Variants in CHERP observed in about 807,000 individuals in gnomAD.
CHERP encodes the protein calcium homeostasis endoplasmic reticulum protein.
Under a neutral mutation model 113.8 loss-of-function variants are expected in CHERP, and 8 were observed. The observed-to-expected ratio is 0.07, with a 90% confidence interval of 0.04 to 0.13. The LOEUF (loss-of-function observed/expected upper bound fraction) is 0.13. Among genes scored for constraint, CHERP ranks in the 10% least tolerant of loss-of-function variants. CHERP has a pLI of 1.00. For missense variants in CHERP, 884 were observed against 1,298.2 expected (o/e 0.68, Z 4.90); for synonymous variants, 559 against 524.5 (o/e 1.07, Z -0.90).
chr19:16,534,883 C>G (rs1198819639), intron 3 of CHERP, among the ~76,000 whole-genome samples: 1 of 152,120 alleles, frequency 6.6e-6, no homozygotes, highest in Non-Finnish European at 1.5e-5. Context: ...TGAGACCAGC[C>G]TGGCCAACCT....
Position 16,529,637 on chromosome 19 carries a change from G to A in CHERP, c.1129+11C>T, listed in dbSNP as rs563259479. ...TTCCTGGGGGCAGGCTGAGCTGAGG[G>A]AGCCCCGTACCAGGCTGGGTGGTGG... On this transcript the variant is annotated intron_variant, in intron 8 of 16. Transcript: ENST00000546361. 3 of 1,536,570 alleles carry A rather than the reference G, an allele frequency of 2.0e-6. No individual in the cohort carries two copies. In the East Asian group the frequency reaches 7.3e-5, roughly 38 times the overall value.
At chr19:16,527,293 G>A (rs866483846) in intron 9 of CHERP, among the ~76,000 whole-genome samples, 6 of 152,244 alleles carry the variant, frequency 3.9e-5, no homozygotes, top group Non-Finnish European at 8.8e-5. Context: ...GCCAGCACTT[G>A]GAGGTGGGAG....
At chr19:16,528,306 G>A (rs749564404) in intron 8 of CHERP, 51 bp from the exon 9 acceptor site, 1 of 1,513,712 alleles carries the variant, frequency 6.6e-7, no homozygotes, top group Admixed American at 2.1e-5. Flanking sequence ...AGGAGGCGCT[G>A]TCTCCTCTCC....
chr19:16,526,885 C>CT (rs1471002767), intron 9 of CHERP, among the ~76,000 whole-genome samples: 2 of 152,198 alleles, frequency 1.3e-5, no homozygotes, highest in Non-Finnish European at 2.9e-5. Flanking sequence ...CCTCAGACCA[C>CT]TGTGTAGCTG....
intron 9 of CHERP, among the ~76,000 whole-genome samples, chr19:16,527,523 C>G (rs960709954): frequency 6.6e-6 from 1 of 152,198 alleles, no homozygotes; most frequent in African/African-American, 2.4e-5. Flanking sequence ...CTGGAAGACC[C>G]GGGGCTGTGC....
chr19:16,529,610 G>A, intron 8 of CHERP, 38 bp downstream of exon 8: 1 of 1,528,388 alleles, frequency 6.5e-7, no homozygotes, highest in Non-Finnish European at 8.8e-7. Context: ...TCTGGGGGCT[G>A]TTTCCTGGGG....
At chr19:16,542,162 G>C (rs1258814387) in intron 1 of CHERP, 119 bp from the exon 2 acceptor site, 11 of 1,246,676 alleles carry the variant, frequency 8.8e-6, no homozygotes, top group Non-Finnish European at 1.2e-5. Flanking sequence ...GCCCCGAAGA[G>C]GCCGCCCTTG....
intron 2 of CHERP, among the ~76,000 whole-genome samples, chr19:16,538,804 A>G (rs951842654): frequency 7.6e-5 from 11 of 145,622 alleles, no homozygotes; most frequent in Non-Finnish European, 1.7e-4. Context: ...AGAAAGGGAA[A>G]GCAGCCCTTA....
chr19:16,528,848 G>C (rs978802907), intron 8 of CHERP, among the ~76,000 whole-genome samples: 6 of 152,162 alleles, frequency 3.9e-5, no homozygotes, highest in African/African-American at 1.4e-4. Context: ...AGCTACTCAG[G>C]AGGCTGAGGT....
intron 9 of CHERP, among the ~76,000 whole-genome samples, chr19:16,526,593 G>A (rs1458204271): frequency 1.3e-5 from 2 of 151,950 alleles, no homozygotes; most frequent in Admixed American, 6.6e-5. Context: ...TCAGCTTCTC[G>A]AGTAGCTGGG....
rs750736356 is a variant in CHERP, at chr19:16,532,481, G to A, written c.674+117C>T. The A allele has an allele frequency of 1.6e-4, 201 of 1,289,804 alleles. No individual in the cohort carries two copies. The highest frequency in any genetic ancestry group is 1.9e-4 in the Non-Finnish European group (188 of 967,082). 79.9% of individuals were successfully genotyped at this position (1,289,804 alleles called of 1,614,324 possible). A position where few individuals can be genotyped will look rare whatever the true frequency, so the allele number is the denominator to read the frequency against. On this transcript the variant is annotated intron_variant, in intron 5 of 16. Transcript: ENST00000546361. This position sits in a 1 kb window ranked among gnomAD's most constrained non-coding sequence, Gnocchi z 4.4. ...CCCCACCCGGGGTCCCCGGACAAGT[G>A]CCCCCTAGTCTCGGGACAGGCCAAG...
rs1334395150 is a variant in CHERP at position 16,532,482 on chromosome 19, C to T, written c.674+116G>A. ...CCCACCCGGGGTCCCCGGACAAGTG[C>T]CCCCTAGTCTCGGGACAGGCCAAGC... is the stretch of plus-strand genomic sequence containing the variant. On this transcript the variant is annotated intron_variant, in intron 5 of 16. Coordinates refer to ENST00000546361, the MANE Select transcript of CHERP (RefSeq NM_006387.6). The surrounding 1 kb of genome is among the most constrained non-coding windows in gnomAD (Gnocchi z 4.4). The T allele has an allele frequency of 1.6e-6, 2 of 1,286,456 alleles. No individual in the cohort carries two copies. The highest frequency in any genetic ancestry group is 2.8e-4 in the Middle Eastern group (1 of 3,616). 79.7% of individuals were successfully genotyped at this position (1,286,456 alleles called of 1,614,324 possible).
Position 16,520,191 on chromosome 19 carries a change from G to GGGGAGTACGACTTGGACC in CHERP, c.2402_2419dup (p.Arg801_Ser806dup), listed in dbSNP as rs774774210. 20 of 1,613,288 alleles carry GGGGAGTACGACTTGGACC rather than the reference G, an allele frequency of 1.2e-5. No individual in the cohort carries two copies. Among genetic ancestry groups the GGGGAGTACGACTTGGACC allele is most frequent in the Non-Finnish European group, 1.7e-5 (20 of 1,180,028 alleles). ...GGACCGTGACCGGCGTCTTCTTCCT[G>GGGGAGTACGACTTGGACC]GGGAGTACGACTTGGACCGGGACCG... is the stretch of plus-strand genomic sequence containing the variant. On this transcript the variant is annotated inframe_insertion, in exon 15 of 17. Coordinates refer to ENST00000546361, the MANE Select transcript of CHERP (RefSeq NM_006387.6). This position sits in a 1 kb window ranked among gnomAD's most constrained non-coding sequence, Gnocchi z 4.0.
chr19:16,522,304 G>A (rs2085623769), intron 11 of CHERP, among the ~76,000 whole-genome samples: 1 of 151,842 alleles, frequency 6.6e-6, no homozygotes, highest in African/African-American at 2.4e-5. Flanking sequence ...TCTCGCCCAG[G>A]CTGGAGTGTA....
chr19:16,529,916 G>A lies in CHERP; in HGVS notation c.877-16C>T. The stretch of plus-strand genomic sequence containing the variant: ...TGAGGGTGGCCTGAGAGAGAGAAGA[G>A]CACCCGCTGCTCAGTATGCGGCCTT... On this transcript the variant is annotated splice_polypyrimidine_tract_variant and intron_variant, in intron 7 of 16. Transcript: ENST00000546361. 1 of 1,609,728 alleles carries A rather than the reference G, an allele frequency of 6.2e-7. No homozygotes were observed.
At chr19:16,521,144 G>A in intron 12 of CHERP, 1 of 597,858 alleles carries the variant, frequency 1.7e-6, no homozygotes, top group East Asian at 2.8e-5. Context: ...TTCCGCTGAG[G>A]TGGTGGGGAC....
At position 16,538,384 on chromosome 19, in the gene CHERP, C is replaced by T. The variant is rs796790830; in HGVS notation, c.200-2748G>A. Among the ~76,000 whole-genome samples, 11 of 152,296 alleles carry T rather than the reference C, an allele frequency of 7.2e-5. 1 individual carries two copies. Among genetic ancestry groups the T allele is most frequent in the African/African-American group, 2.6e-4 (11 of 41,562 alleles). ...TTTACATCTAGCCAAGATATCATCA[C>T]CCACAGAAAGCACTTCTTGGCTGGG... is the stretch of plus-strand genomic sequence containing the variant. On this transcript the variant is annotated intron_variant, in intron 2 of 16. Transcript: ENST00000546361.
Position 16,518,973 on chromosome 19 carries a change from C to T in CHERP, c.*186G>A. 1 of 618,910 alleles carries T rather than the reference C, an allele frequency of 1.6e-6. No homozygotes were observed. The highest frequency in any genetic ancestry group is 2.8e-6 in the Non-Finnish European group (1 of 362,812). 38.3% of individuals were successfully genotyped at this position (618,910 alleles called of 1,614,324 possible). A position where few individuals can be genotyped will look rare whatever the true frequency, so the allele number is the denominator to read the frequency against. On this transcript the variant is annotated 3_prime_UTR_variant, in exon 17 of 17. Coordinates refer to ENST00000546361, the MANE Select transcript of CHERP (RefSeq NM_006387.6). ...GTGTGGTTTGTGGGTGGCACCCGTG[C>T]CCTCCACGCCATGGAGCACGGCGTT...
Position 16,539,146 on chromosome 19 carries a change from G to GTT in CHERP, c.199+2722_199+2723dup, listed in dbSNP as rs889826521. Among the ~76,000 whole-genome samples the GTT allele has an allele frequency of 1.9e-3, 245 of 130,830 alleles. 6 individuals carry two copies. The highest frequency in any genetic ancestry group is 4.4e-3 in the African/African-American group (152 of 34,588). 85.8% of individuals were successfully genotyped at this position (130,830 alleles called of 152,430 possible). A position where few individuals can be genotyped will look rare whatever the true frequency, so the allele number is the denominator to read the frequency against. On this transcript the variant is annotated intron_variant, in intron 2 of 16. Coordinates refer to ENST00000546361, the MANE Select transcript of CHERP (RefSeq NM_006387.6). Reference sequence around the variant, plus strand: ...TGGCTTCCCGCTGCCTTTAGAAACGGTTTTTTTTTTTTTTTTTTTGAGACG... The same window carrying GTT: ...TGGCTTCCCGCTGCCTTTAGAAACGGTTTTTTTTTTTTTTTTTTTTTGAGACG...
Sources: allele counts gnomAD v4.1 joint callset (sites outside exome capture counted in the v4.1 genomes callset), GRCh38; gene constraint gnomAD v4.1.1; non-coding constraint Gnocchi (gnomAD v3.1); transcripts MANE v1.5; gene names NCBI Gene and HGNC (gene_info 2026-07-23, HGNC 2026-07-21).